The following WDR49 variants were observed in gnomAD, a reference collection of about 807,000 sequenced individuals.
The protein encoded by WDR49 is cilia- and flagella-associated protein 337.
A neutral mutation model predicts 119.5 loss-of-function variants in WDR49; 107 were observed. The observed-to-expected ratio is 0.90, with a 90% CI of 0.77 to 1.05. The LOEUF (loss-of-function observed/expected upper bound fraction) is 1.05. Among genes scored for constraint, WDR49 ranks in the 50% least tolerant of loss-of-function variants. The pLI is 0.00. For synonymous variants in WDR49, 425 were observed against 418.8 expected, an observed-to-expected ratio of 1.01 and a Z score of -0.18; for missense variants, 1,240 against 1,220.5, an observed-to-expected ratio of 1.02 and a Z score of -0.24.
intron 18 of WDR49, among the ~76,000 whole-genome samples, chr3:167,493,044 A>G (rs1577195001): frequency 6.6e-6 from 1 of 152,224 alleles, no homozygotes; most frequent in South Asian, 2.1e-4. Flanking sequence ...GCTAGCTGTC[A>G]TGATGTTGAG....
intron 18 of WDR49, among the ~76,000 whole-genome samples, chr3:167,493,994 A>G (rs1751250362): frequency 6.6e-6 from 1 of 152,214 alleles, no homozygotes; most frequent in African/African-American, 2.4e-5. Flanking sequence ...TATTGGGCAC[A>G]TAATCCTTTA....
At position 167,548,410 on chromosome 3, in the gene WDR49, A is replaced by C. The variant is rs1712340124; in HGVS notation, c.1823+6240T>G. Among the ~76,000 whole-genome samples, 5 of 152,126 alleles carry C rather than the reference A, an allele frequency of 3.3e-5. No homozygotes were observed. In the South Asian group the frequency reaches 1.0e-3, roughly 32 times the overall value. ...GCCTACATTTATGGTTTGACTTAAA[A>C]TGAAGAAATATGAAGATATTTTCTT... On this transcript the variant is annotated intron_variant, in intron 10 of 18. Transcript: ENST00000682715.
chr3:167,526,090 C>A (rs2108236612), intron 15 of WDR49, among the ~76,000 whole-genome samples: 1 of 152,126 alleles, frequency 6.6e-6, no homozygotes. Flanking sequence ...GATTTGCTAG[C>A]CTTCAATTTG....
chr3:167,555,441 G>A (rs766203245), intron 9 of WDR49, among the ~76,000 whole-genome samples: 3 of 152,064 alleles, frequency 2.0e-5, no homozygotes, highest in African/African-American at 7.2e-5. Context: ...CCTGAGTTCC[G>A]TAAGCCACTC....
chr3:167,496,099 A>G (rs1412648106), intron 18 of WDR49, among the ~76,000 whole-genome samples: 2 of 152,138 alleles, frequency 1.3e-5, no homozygotes, highest in African/African-American at 2.4e-5. Flanking sequence ...GTCTAGTGCC[A>G]TAAGAAGGAA....
intron 16 of WDR49, among the ~76,000 whole-genome samples, chr3:167,516,302 A>G (rs1037476623): frequency 7.3e-5 from 9 of 122,490 alleles, no homozygotes; most frequent in African/African-American, 2.8e-4. Flanking sequence ...TCCTGTGTCC[A>G]TGTGTTCTCA....
intron 10 of WDR49, among the ~76,000 whole-genome samples, chr3:167,550,016 T>A (rs931299403): frequency 2.6e-5 from 4 of 152,186 alleles, no homozygotes; most frequent in Admixed American, 2.0e-4. Flanking sequence ...ATGTGTGGTA[T>A]TATTTCTGAG....
intron 10 of WDR49, among the ~76,000 whole-genome samples, chr3:167,551,186 T>C (rs1199095633): frequency 6.6e-6 from 1 of 152,050 alleles, no homozygotes; most frequent in Non-Finnish European, 1.5e-5. Context: ...ATATTTACCA[T>C]ATTCTGCCTT....
chr3:167,588,567 T>G (rs2108294248), intron 7 of WDR49, among the ~76,000 whole-genome samples: 1 of 152,284 alleles, frequency 6.6e-6, no homozygotes, highest in South Asian at 2.1e-4. Context: ...GAGAATACCC[T>G]TTTATCCACA....
At chr3:167,548,237 A>G (rs114350244) in intron 10 of WDR49, among the ~76,000 whole-genome samples, 435 of 152,106 alleles carry the variant, frequency 2.9e-3, no homozygotes, top group Middle Eastern at 0.014. Context: ...GATGACACTA[A>G]GGGGGCAATT....
At chr3:167,599,441 G>A (rs979751327) in intron 7 of WDR49, among the ~76,000 whole-genome samples, 4 of 152,086 alleles carry the variant, frequency 2.6e-5, no homozygotes, top group Non-Finnish European at 5.9e-5. Context: ...CAGTCAGCTT[G>A]TGGTGAAGTC....
At chr3:167,576,221 C>G in intron 7 of WDR49, 70 bp from the exon 8 acceptor site, 1 of 1,331,672 alleles carries the variant, frequency 7.5e-7, no homozygotes, top group Non-Finnish European at 1.0e-6. Flanking sequence ...AATTTTTTTT[C>G]TAGCTCACCC....
rs767237534 is a variant in WDR49 at position 167,621,616 on chromosome 3, C to T, written c.634G>A (p.Val212Ile). The change falls in exon 4 of 19, where the codon GTT becomes ATT. Residue 212 changes from valine to isoleucine, a missense_variant. Physicochemically the swap from Val to Ile is conservative, Grantham distance 29. Coordinates refer to ENST00000682715, the MANE Select transcript of WDR49 (RefSeq NM_001366157.1). ...KIAVAFTSKEVCFYDLLSKEE... is the reference protein window; with the variant it reads ...KIAVAFTSKEICFYDLLSKEE... ...TTGGACAGCAGATCATAGAAACAAA[C>T]CTCTTTACTTGTAAAAGCCACTGCT... 1 of 1,533,626 alleles carries T rather than the reference C, an allele frequency of 6.5e-7. No homozygotes were observed. The highest frequency in any genetic ancestry group is 8.7e-7 in the Non-Finnish European group (1 of 1,145,692).
chr3:167,575,555 C>T (rs1054328277), intron 8 of WDR49, among the ~76,000 whole-genome samples: 45 of 152,294 alleles, frequency 3.0e-4, no homozygotes, highest in African/African-American at 1.1e-3. Context: ...CAGAACTTTC[C>T]ACAGGGATAC....
At chr3:167,504,202 G>A (rs947722737) in intron 17 of WDR49, among the ~76,000 whole-genome samples, 3 of 152,152 alleles carry the variant, frequency 2.0e-5, no homozygotes, top group Admixed American at 2.0e-4. Context: ...ACTTGAGAAT[G>A]GTAGATTCAC....
chr3:167,652,985 GA>G (rs1429861531), intron 2 of WDR49, among the ~76,000 whole-genome samples: 4 of 151,906 alleles, frequency 2.6e-5, no homozygotes, highest in East Asian at 3.9e-4. Flanking sequence ...TGATCTCTAA[GA>G]AAAAAATTTT....
intron 5 of WDR49, among the ~76,000 whole-genome samples, chr3:167,606,541 G>C (rs115761723): frequency 6.6e-6 from 1 of 152,314 alleles, no homozygotes; most frequent in African/African-American, 2.4e-5. Flanking sequence ...GAGTGTAACT[G>C]TCCCTTGATA....
In WDR49 at chr3:167,536,963, A is replaced by G; in HGVS notation, c.1861T>C (p.Phe621Leu). 4 of 1,591,286 alleles carry G rather than the reference A, an allele frequency of 2.5e-6. No homozygotes were observed. The highest frequency in any genetic ancestry group is 3.4e-6 in the Non-Finnish European group (4 of 1,169,266). Reference protein sequence around the residue: ...TVFRPQNFNQFFIQPEEWKGG... With the variant: ...TVFRPQNFNQLFIQPEEWKGG... Reference sequence around the variant, plus strand: ...TTCCATTCTTCAGGCTGGATGAAAAATTGATTGAAGTTTTGGGGTCGAAAC... The same window carrying G: ...TTCCATTCTTCAGGCTGGATGAAAAGTTGATTGAAGTTTTGGGGTCGAAAC... Residue 621 changes from phenylalanine to leucine, a missense_variant, in exon 11 of 19, where the codon TTT (phenylalanine) becomes CTT (leucine). Physicochemically the swap from Phe to Leu is conservative, Grantham distance 22 (BLOSUM62 0). Coordinates refer to ENST00000682715, the MANE Select transcript of WDR49 (RefSeq NM_001366157.1).
intron 13 of WDR49, among the ~76,000 whole-genome samples, chr3:167,529,815 C>T (rs1047875988): frequency 6.6e-6 from 1 of 152,054 alleles, no homozygotes; most frequent in Non-Finnish European, 1.5e-5. Context: ...GAGCCTAGAA[C>T]TAACCTTTTC....
Sources: allele counts gnomAD v4.1 joint callset (sites outside exome capture counted in the v4.1 genomes callset), GRCh38; gene constraint gnomAD v4.1.1; transcripts MANE v1.5; gene names NCBI Gene and HGNC (gene_info 2026-07-23, HGNC 2026-07-21).